C4orf50: variants seen among roughly 807,000 people sequenced by gnomAD.
C4orf50 encodes uncharacterized protein C4orf50.
In C4orf50, 80 loss-of-function variants were observed where a neutral mutation model predicts 77.2. The ratio of observed to expected loss-of-function variants is 1.04; its 90% CI spans 0.87 to 1.25. The LOEUF is 1.25. C4orf50 is among the 50% of genes most tolerant of loss of function. The pLI, the probability that C4orf50 is intolerant of heterozygous loss-of-function variation, is 0.00. For missense variants in C4orf50, 1,257 were observed against 1,152.9 expected, an observed-to-expected ratio of 1.09 and a Z score of -1.31; for synonymous variants, 532 against 465.3, an observed-to-expected ratio of 1.14 and a Z score of -1.84.
intron 27 of C4orf50, among the ~76,000 whole-genome samples, chr4:5,991,374 C>G (rs1721284685): frequency 6.6e-6 from 1 of 152,198 alleles, no homozygotes; most frequent in African/African-American, 2.4e-5. Context: ...AGCAGCGCTG[C>G]AGAAGGCTCT....
intron 25 of C4orf50, among the ~76,000 whole-genome samples, chr4:6,002,334 T>C (rs1390442127): frequency 6.6e-6 from 1 of 152,184 alleles, no homozygotes; most frequent in South Asian, 2.1e-4. Flanking sequence ...GGAGGAAGCA[T>C]GGCCCCACTG....
At position 5,908,410 on chromosome 4, in the gene C4orf50, T is replaced by C. The variant is rs1239995935; in HGVS notation, c.*2475-10222A>G. Among the ~76,000 whole-genome samples the C allele has an allele frequency of 6.6e-6, 1 of 152,118 alleles. No individual in the cohort carries two copies. Among genetic ancestry groups the C allele is most frequent in the African/African-American group, 2.4e-5 (1 of 41,432 alleles). On this transcript the variant is annotated intron_variant, in intron 7 of 7. Transcript: ENST00000324058. The surrounding 1 kb of genome is among the most constrained non-coding windows in gnomAD (Gnocchi z 5.6). Reference sequence around the variant, plus strand: ...GGACCTCTGACTTCAACCAGTGGGCTCTGTGATGTGACGATTCTATAAAAC... The same window carrying C: ...GGACCTCTGACTTCAACCAGTGGGCCCTGTGATGTGACGATTCTATAAAAC...
At chr4:5,912,634 T>G (rs909478101) in intron 7 of C4orf50, among the ~76,000 whole-genome samples, 1 of 151,596 alleles carries the variant, frequency 6.6e-6, no homozygotes, top group Non-Finnish European at 1.5e-5. Context: ...GAAAGAAGAG[T>G]TTATTACTCA....
chr4:5,928,640 T>G (rs1008905861), intron 7 of C4orf50, among the ~76,000 whole-genome samples: 1 of 152,114 alleles, frequency 6.6e-6, no homozygotes, highest in Non-Finnish European at 1.5e-5. Flanking sequence ...TGATAAAACA[T>G]CTCCCTGGGG....
intron 25 of C4orf50, among the ~76,000 whole-genome samples, chr4:6,004,253 G>GTGATGGTGA (rs1722091226): frequency 2.4e-5 from 1 of 42,486 alleles, no homozygotes. Context: ...GGTGATGATG[G>GTGATGGTGA]TGATGGTGAT....
In C4orf50 at chr4:6,007,014, C is replaced by G. The variant is rs1722276653; in HGVS notation, c.963+982G>C. 1.3e-5 allele frequency among the ~76,000 whole-genome samples: 2 copies of G among 152,198 alleles called. No individual in the cohort carries two copies. Among genetic ancestry groups the G allele is most frequent in the South Asian group, 4.1e-4 (2 of 4,828 alleles). On this transcript the variant is annotated intron_variant, in intron 25 of 33. Coordinates refer to ENST00000531445, the Ensembl canonical transcript of C4orf50. This position sits in a 1 kb window ranked among gnomAD's most constrained non-coding sequence, Gnocchi z 4.1. ...ACAAGCACATATGAGTCCCATGGCA[C>G]AGCATGTTGAAGATTTTGTCTAGCG...
rs80168310 is a variant in C4orf50, at chr4:5,999,416, A to C, written c.964-4940T>G. Reference sequence around the variant, plus strand: ...TTACCACGCTGGGCAGGCAATAAGCACTCCAAAAGTTGATGAAAGTCGGCT... The same window carrying C: ...TTACCACGCTGGGCAGGCAATAAGCCCTCCAAAAGTTGATGAAAGTCGGCT... On this transcript the variant is annotated intron_variant, in intron 25 of 33. Transcript: ENST00000531445. Among the ~76,000 whole-genome samples, 524 of 152,216 alleles carry C rather than the reference A, an allele frequency of 3.4e-3. 2 individuals are homozygous for C. Among genetic ancestry groups the C allele is most frequent in the South Asian group, 9.8e-3 (47 of 4,810 alleles).
chr4:5,984,423 AG>A (rs1450125524), intron 28 of C4orf50, among the ~76,000 whole-genome samples: 1 of 152,228 alleles, frequency 6.6e-6, no homozygotes, highest in East Asian at 1.9e-4. Flanking sequence ...AAACCCCTCA[AG>A]GTCTTCAAAA....
rs142555999 is a variant in C4orf50 at position 5,934,295 on chromosome 4, C to T, written c.*2474+22606G>A. 2.7e-3 allele frequency among the ~76,000 whole-genome samples: 405 copies of T among 152,256 alleles called. 4 individuals are homozygous for T. Among genetic ancestry groups the T allele is most frequent in the African/African-American group, 9.3e-3 (385 of 41,546 alleles). ...CACACATTGGTCCTTTCCAGGTCCT[C>T]GCTGTTGTTGTTCTCTTCCTGCTCA... is the stretch of plus-strand genomic sequence containing the variant. On this transcript the variant is annotated intron_variant, in intron 7 of 7. Coordinates refer to the C4orf50 transcript ENST00000324058.
chr4:5,987,639 T>G, intron 28 of C4orf50, among the ~76,000 whole-genome samples: 1 of 149,860 alleles, frequency 6.7e-6, no homozygotes, highest in Admixed American at 6.6e-5. Flanking sequence ...GACAGAAAGA[T>G]GGAGAAGGAG....
At chr4:5,929,322 C>A (rs1312292568) in intron 7 of C4orf50, among the ~76,000 whole-genome samples, 1 of 152,064 alleles carries the variant, frequency 6.6e-6, no homozygotes, top group South Asian at 2.1e-4. Flanking sequence ...TTTTTGAAGC[C>A]CATATCTGCA....
Position 6,017,448 on chromosome 4 carries a change from T to C in C4orf50, c.287+697A>G, listed in dbSNP as rs1263079036. Among the ~76,000 whole-genome samples, 3 of 152,232 alleles carry C rather than the reference T, an allele frequency of 2.0e-5. No individual in the cohort carries two copies. The highest frequency in any genetic ancestry group is 2.9e-5 in the Non-Finnish European group (2 of 68,032). On this transcript the variant is annotated intron_variant, in intron 23 of 33. Coordinates refer to ENST00000531445, the Ensembl canonical transcript of C4orf50. This position sits in a 1 kb window ranked among gnomAD's most constrained non-coding sequence, Gnocchi z 4.7. Reference sequence around the variant, plus strand: ...TAAACGCTAATCCAGCAGGTGACTCTTGACTAACCCTGAGTCCACGAATGC... The same window carrying C: ...TAAACGCTAATCCAGCAGGTGACTCCTGACTAACCCTGAGTCCACGAATGC...
At chr4:5,914,211 T>TG (rs35773344) in intron 7 of C4orf50, among the ~76,000 whole-genome samples, 67,022 of 132,112 alleles carry the variant, frequency 0.51, 18,474 homozygotes, top group East Asian at 0.74. Flanking sequence ...GGGTGTTTTT[T>TG]TTTTTTTTTT....
At chr4:5,975,997 T>C in intron 29 of C4orf50, 42 bp from the exon 8 acceptor site, 1 of 1,536,468 alleles carries the variant, frequency 6.5e-7, no homozygotes, top group Non-Finnish European at 9.0e-7. Context: ...GCACTGTCAC[T>C]TACCACTGTC....
chr4:5,988,453 A>G, exon 28 of C4orf50: 1 of 1,587,814 alleles, frequency 6.3e-7, no homozygotes, highest in Non-Finnish European at 8.6e-7. Flanking sequence ...TGCTCCACTG[A>G]CATTTCCTTG....
chr4:5,985,058 G>C (rs1182901504), intron 28 of C4orf50, among the ~76,000 whole-genome samples: 1 of 152,052 alleles, frequency 6.6e-6, no homozygotes, highest in Non-Finnish European at 1.5e-5. Flanking sequence ...GAAACTATGA[G>C]AGGCAGAAGA....
At chr4:5,930,845 T>G (rs80051927) in intron 7 of C4orf50, among the ~76,000 whole-genome samples, 2,571 of 152,330 alleles carry the variant, frequency 0.017, 74 homozygotes, top group African/African-American at 0.058. Flanking sequence ...ATGCCCAGCA[T>G]GGGCCTGGCA....
At chr4:5,981,938 G>A (rs1022817543) in intron 28 of C4orf50, among the ~76,000 whole-genome samples, 3 of 152,078 alleles carry the variant, frequency 2.0e-5, no homozygotes, top group African/African-American at 7.2e-5. Flanking sequence ...GGGATCCCAA[G>A]CTACCCTGCT....
In C4orf50 at chr4:6,000,292, C is replaced by G. The variant is rs115523791; in HGVS notation, c.964-5816G>C. 0.012 allele frequency among the ~76,000 whole-genome samples: 1,797 copies of G among 152,230 alleles called. 30 individuals carry two copies. Among genetic ancestry groups the G allele is most frequent in the African/African-American group, 0.04 (1,677 of 41,532 alleles). ...CCACTGAGGCTCATGCAATTTCCAC[C>G]AAGACATGAAGAGCCGCATCTGGCT... On this transcript the variant is annotated intron_variant, in intron 25 of 33. Transcript: ENST00000531445. The surrounding 1 kb of genome is among the most constrained non-coding windows in gnomAD (Gnocchi z 6.0).
Sources: allele counts gnomAD v4.1 joint callset (sites outside exome capture counted in the v4.1 genomes callset), GRCh38; gene constraint gnomAD v4.1.1; non-coding constraint Gnocchi (gnomAD v3.1); transcripts MANE v1.5; gene names NCBI Gene and HGNC (gene_info 2026-07-23, HGNC 2026-07-21).